Variants in CALN1 observed in about 807,000 individuals in gnomAD.
The protein encoded by CALN1 is calneuron 1.
A neutral mutation model predicts 30.6 loss-of-function variants in CALN1; 17 were observed. The ratio of observed to expected loss-of-function variants is 0.56; its 90% confidence interval spans 0.38 to 0.83. CALN1 has a LOEUF of 0.83. Ranked by LOEUF, CALN1 falls within the 40% of genes least tolerant of loss-of-function variation. The pLI is 0.00. For missense variants in CALN1, 291 were observed against 354.9 expected (o/e 0.82, Z 1.45); for synonymous variants, 156 against 131.4 (o/e 1.19, Z -1.28).
chr7:72,183,507 G>A (rs1789965211), intron 3 of CALN1, among the ~76,000 whole-genome samples: 1 of 152,176 alleles, frequency 6.6e-6, no homozygotes, highest in East Asian at 1.9e-4. Context: ...AGGACTTGGT[G>A]ACTGCTAAAA....
chr7:71,876,012 G>A (rs201594938), intron 5 of CALN1, among the ~76,000 whole-genome samples: 5 of 152,094 alleles, frequency 3.3e-5, no homozygotes, highest in Admixed American at 3.3e-4. Flanking sequence ...CAGATGAGAG[G>A]TTTGGGGCAT....
intron 2 of CALN1, among the ~76,000 whole-genome samples, chr7:72,279,402 T>G (rs1585344210): frequency 6.6e-6 from 1 of 152,326 alleles, no homozygotes. Flanking sequence ...GCTGCTTACA[T>G]GAGTGGTGTG....
At chr7:71,811,190 C>T (rs1360825346) in intron 5 of CALN1, among the ~76,000 whole-genome samples, 1 of 151,988 alleles carries the variant, frequency 6.6e-6, no homozygotes, top group Non-Finnish European at 1.5e-5. Flanking sequence ...AGCCACCACG[C>T]CCGGCCTAAT....
intron 3 of CALN1, among the ~76,000 whole-genome samples, chr7:72,200,644 GC>G (rs34500353): frequency 6.6e-6 from 1 of 151,862 alleles, no homozygotes; most frequent in African/African-American, 2.4e-5. Flanking sequence ...ACCATGCTAT[GC>G]CCCTGGGGGA....
At chr7:72,035,320 T>C (rs1801729711) in intron 4 of CALN1, among the ~76,000 whole-genome samples, 1 of 152,106 alleles carries the variant, frequency 6.6e-6, no homozygotes, top group Non-Finnish European at 1.5e-5. Context: ...TTCTACTTTC[T>C]CTCGGATTTT....
chr7:72,141,547 C>G (rs1217435040), intron 3 of CALN1, among the ~76,000 whole-genome samples: 1 of 152,096 alleles, frequency 6.6e-6, no homozygotes, highest in Non-Finnish European at 1.5e-5. Flanking sequence ...GCTCAAAACT[C>G]CACCCTCAGA....
chr7:71,799,246 A>C (rs750063607), intron 6 of CALN1, among the ~76,000 whole-genome samples: 1 of 152,132 alleles, frequency 6.6e-6, no homozygotes, highest in African/African-American at 2.4e-5. Flanking sequence ...AGATTGTATC[A>C]TGATTCCCCT....
chr7:72,346,932 C>T (rs1033780967), intron 2 of CALN1, among the ~76,000 whole-genome samples: 2 of 152,012 alleles, frequency 1.3e-5, no homozygotes, highest in African/African-American at 4.8e-5. Flanking sequence ...AAGAGATTAG[C>T]GAACTTTAAA....
chr7:72,445,913 C>G (rs558214508), intron 1 of CALN1, among the ~76,000 whole-genome samples: 1 of 152,156 alleles, frequency 6.6e-6, no homozygotes, highest in South Asian at 2.1e-4. Context: ...TGGCTCAGAT[C>G]CCCCTCAAGA....
chr7:72,282,463 G>A (rs1047784886), intron 2 of CALN1, among the ~76,000 whole-genome samples: 5 of 152,184 alleles, frequency 3.3e-5, no homozygotes, highest in African/African-American at 1.2e-4. Context: ...GGAGCCTTTA[G>A]AAGCTGATTA....
the CALN1 span, among the ~76,000 whole-genome samples, chr7:72,462,154 T>TTATGTATGTATGTATGTATG: frequency 2.0e-5 from 3 of 151,372 alleles, no homozygotes; most frequent in African/African-American, 7.4e-5. Flanking sequence ...TTTATTTAAT[T>TTATGTATGTATGTATGTATG]TATGTATGTA....
At chr7:72,103,094 A>AAG in intron 4 of CALN1, 1 of 144,816 alleles carries the variant, frequency 6.9e-6, no homozygotes, top group Non-Finnish European at 1.5e-5. Flanking sequence ...AAAAAAAAAA[A>AAG]AAAGGAAGTG....
chr7:71,836,448 C>T (rs561936264), intron 5 of CALN1, among the ~76,000 whole-genome samples: 3 of 152,260 alleles, frequency 2.0e-5, no homozygotes, highest in East Asian at 1.9e-4. Flanking sequence ...CGCATCTCTG[C>T]AGTGGTGCTG....
rs1027288766 is a variant in CALN1, at chr7:72,359,892, G to T, written c.119+43359C>A. Among the ~76,000 whole-genome samples the T allele has an allele frequency of 1.3e-4, 20 of 150,880 alleles. No homozygotes were observed. In the Admixed American group the frequency reaches 1.3e-3, roughly 10 times the overall value. On this transcript the variant is annotated intron_variant, in intron 2 of 6. Coordinates refer to ENST00000395275, the MANE Select transcript of CALN1 (RefSeq NM_031468.4). ...CTCAGGAGGCTGAGGCAGGAGAACGGCATGAACCCAGGAGGCGGAGCTTGC... is the reference window on the plus strand; with the variant it reads ...CTCAGGAGGCTGAGGCAGGAGAACGTCATGAACCCAGGAGGCGGAGCTTGC...
chr7:72,168,809 T>TTA lies in CALN1; in HGVS notation c.245-62516_245-62515insTA, dbSNP rs1554463187. On this transcript the variant is annotated intron_variant, in intron 3 of 6. Transcript: ENST00000395275. ...CTGCTTATTATTATTATTATTATTTTTTTTTTTTTTTTTGAGATGGAGTTT... is the reference window on the plus strand; with the variant it reads ...CTGCTTATTATTATTATTATTATTTTTATTTTTTTTTTTTTGAGATGGAGTTT... Among the ~76,000 whole-genome samples, 5 of 144,720 alleles carry TTA rather than the reference T, an allele frequency of 3.5e-5. 1 individual carries two copies. The highest frequency in any genetic ancestry group is 2.1e-4 in the Admixed American group (3 of 14,598). 94.9% of individuals were successfully genotyped at this position (144,720 alleles called of 152,430 possible).
At chr7:71,926,006 G>A (rs1310286602) in intron 5 of CALN1, among the ~76,000 whole-genome samples, 1 of 152,068 alleles carries the variant, frequency 6.6e-6, no homozygotes, top group Non-Finnish European at 1.5e-5. Context: ...GGCACCTGCC[G>A]CCATGCCTGG....
At chr7:72,197,505 G>T (rs1315191683) in intron 3 of CALN1, among the ~76,000 whole-genome samples, 1 of 152,130 alleles carries the variant, frequency 6.6e-6, no homozygotes, top group African/African-American at 2.4e-5. Flanking sequence ...TGGCTGGTTT[G>T]CTTCTTTAGG....
chr7:72,262,804 C>G (rs1296376684), intron 3 of CALN1, among the ~76,000 whole-genome samples: 2 of 152,288 alleles, frequency 1.3e-5, no homozygotes, highest in South Asian at 2.1e-4. Context: ...TTCCTCTTCC[C>G]TCTCCTCTCT....
At chr7:72,233,676 A>C (rs2129550784) in intron 3 of CALN1, among the ~76,000 whole-genome samples, 1 of 152,244 alleles carries the variant, frequency 6.6e-6, no homozygotes, top group African/African-American at 2.4e-5. Context: ...CTATGGTCAC[A>C]CCACTGGGCA....
Sources: gnomAD v4.1 joint callset for allele counts (sites outside exome capture counted in the v4.1 genomes callset) on GRCh38, gnomAD v4.1.1 for gene constraint, MANE v1.5 for transcripts, NCBI Gene and HGNC (gene_info 2026-07-23, HGNC 2026-07-21) for gene names.